WDR12: variants seen among roughly 807,000 people sequenced by gnomAD.
WDR12 encodes WD repeat domain 12.
In WDR12, 42 loss-of-function variants were observed where a neutral mutation model predicts 64.3. That is an observed-to-expected ratio of 0.65 (90% CI 0.51 to 0.84). The LOEUF is 0.84. Among genes scored for constraint, WDR12 ranks in the 40% least tolerant of loss-of-function variants. The probability of loss-of-function intolerance (pLI) is 0.00; values close to 1 mark genes in which losing one functional copy is unlikely to be tolerated. For missense variants in WDR12, 469 were observed against 494.6 expected (o/e 0.95, Z 0.49); for synonymous variants, 158 against 173.3 (o/e 0.91, Z 0.70).
rs528307910 is a variant in WDR12, at chr2:202,879,451, G to C, written c.*1409C>G. 3.3e-5 allele frequency: 5 copies of C among 149,262 alleles called. No individual in the cohort carries two copies. The South Asian group carries it at 1.1e-3, about 32-fold the overall frequency. The allele number at this position is 149,262 out of a possible 1,614,324, so 9.2% of individuals were successfully genotyped here. On this transcript the variant is annotated 3_prime_UTR_variant, in exon 13 of 13. Coordinates refer to ENST00000261015, the MANE Select transcript of WDR12 (RefSeq NM_018256.4). ...TTGTCTTTATTTTGAGATAGAGTCT[G>C]GCTCTGCTGCCCAGGCTGGAGCACA... is the stretch of plus-strand genomic sequence containing the variant.
chr2:202,895,648 G>A (rs970188310), intron 6 of WDR12, among the ~76,000 whole-genome samples: 2 of 149,160 alleles, frequency 1.3e-5, no homozygotes, highest in East Asian at 2.0e-4. Context: ...TCAGCCTCCC[G>A]AGTAGCTGGG....
chr2:202,891,900 G>A (rs140306156), intron 8 of WDR12, among the ~76,000 whole-genome samples: 59 of 152,240 alleles, frequency 3.9e-4, no homozygotes, highest in South Asian at 6.2e-4. Context: ...AGTGGTTGCC[G>A]GGAACTGGAG....
At chr2:202,910,064 G>A (rs1437977549) in intron 1 of WDR12, among the ~76,000 whole-genome samples, 4 of 152,032 alleles carry the variant, frequency 2.6e-5, no homozygotes, top group Non-Finnish European at 5.9e-5. Flanking sequence ...CCAGACTGTT[G>A]GGATTACAGA....
rs1031660249 is a variant in WDR12 at position 202,875,667 on chromosome 2, C to T, written c.*5193G>A. On this transcript the variant is annotated 3_prime_UTR_variant, in exon 13 of 13. Coordinates refer to ENST00000261015, the MANE Select transcript of WDR12 (RefSeq NM_018256.4). ...CCTCCCAAAATGTTGGGATTACAGG[C>T]GTTAGCCACGGCGCCCAGCCACATA... 2.0e-5 allele frequency: 3 copies of T among 152,190 alleles called. No homozygotes were observed. The highest frequency in any genetic ancestry group is 4.1e-4 in the South Asian group (2 of 4,828). 9.4% of individuals were successfully genotyped at this position (152,190 alleles called of 1,614,324 possible).
intron 8 of WDR12, among the ~76,000 whole-genome samples, chr2:202,887,881 C>T (rs1287937317): frequency 1.6e-5 from 2 of 128,536 alleles, no homozygotes; most frequent in South Asian, 4.8e-4. Flanking sequence ...GGCGACAGAG[C>T]GAGACTCCGT....
intron 6 of WDR12, among the ~76,000 whole-genome samples, chr2:202,895,166 C>A (rs190270025): frequency 5.0e-4 from 76 of 152,200 alleles, no homozygotes; most frequent in Middle Eastern, 3.4e-3. Context: ...ATCCTGTTAC[C>A]CTAACTGTCA....
At chr2:202,890,596 C>T (rs1203753301) in intron 8 of WDR12, among the ~76,000 whole-genome samples, 5 of 151,680 alleles carry the variant, frequency 3.3e-5, no homozygotes, top group East Asian at 1.9e-4. Flanking sequence ...GGTGAAACCC[C>T]GTCTCTACAA....
chr2:202,900,120 A>G (rs745840118), intron 3 of WDR12, among the ~76,000 whole-genome samples: 10 of 152,206 alleles, frequency 6.6e-5, no homozygotes, highest in Non-Finnish European at 1.2e-4. Flanking sequence ...ACCTAAGATC[A>G]GGAGTTCAAG....
chr2:202,878,432 C>A lies in WDR12; in HGVS notation c.*2428G>T, dbSNP rs1463205534. 2.6e-5 allele frequency: 4 copies of A among 152,238 alleles called. No homozygotes were observed. 9.4% of individuals were successfully genotyped at this position (152,238 alleles called of 1,614,324 possible). A position where few individuals can be genotyped will look rare whatever the true frequency, so the allele number is the denominator to read the frequency against. ...ACAATAAAATTTATACCAATCAGCA[C>A]AAAATGAGAAAAAGAAGGATTCTGT... On this transcript the variant is annotated 3_prime_UTR_variant, in exon 13 of 13. Coordinates refer to ENST00000261015, the MANE Select transcript of WDR12 (RefSeq NM_018256.4).
At position 202,899,577 on chromosome 2, in the gene WDR12, T is replaced by C. The variant is rs752291837; in HGVS notation, c.292A>G (p.Met98Val). The change falls in exon 4 of 13, where the codon ATG (methionine) becomes GTG (valine). Residue 98 changes from methionine (M) to valine (V), a missense_variant. Coordinates refer to ENST00000261015, the MANE Select transcript of WDR12 (RefSeq NM_018256.4). ...KYTAPQPEQC[M>V]FHDDWISSIK... is the part of the protein sequence containing the mutation. ...GAACTGATCCAGTCATCATGGAACA[T>C]GCATTGCTCTGGCTGGGGTGCAGTA... The C allele has an allele frequency of 9.3e-6, 15 of 1,614,060 alleles. No homozygotes were observed. The African/African-American group carries it at 1.6e-4, about 17-fold the overall frequency.
chr2:202,890,335 A>G (rs1260153217), intron 8 of WDR12, among the ~76,000 whole-genome samples: 2 of 152,210 alleles, frequency 1.3e-5, no homozygotes, highest in African/African-American at 4.8e-5. Context: ...AGGTAAAACT[A>G]ATCTAAGATG....
At chr2:202,911,051 A>T (rs774940699) in intron 1 of WDR12, among the ~76,000 whole-genome samples, 3 of 152,156 alleles carry the variant, frequency 2.0e-5, no homozygotes, top group Non-Finnish European at 4.4e-5. Flanking sequence ...GTGCTAACAG[A>T]CCTTGAGACC....
At chr2:202,897,950 T>C (rs1212744455) in intron 4 of WDR12, among the ~76,000 whole-genome samples, 2 of 139,880 alleles carry the variant, frequency 1.4e-5, no homozygotes, top group Admixed American at 7.4e-5. Context: ...TATATATACA[T>C]AGTATAAAAT....
intron 2 of WDR12, among the ~76,000 whole-genome samples, chr2:202,903,360 C>T (rs1688384579): frequency 6.6e-6 from 1 of 151,460 alleles, no homozygotes; most frequent in Non-Finnish European, 1.5e-5. Flanking sequence ...AAAGCCTTTC[C>T]TCTAACATCT....
In WDR12 at chr2:202,899,516, T is replaced by A. The variant is rs769901203; in HGVS notation, c.338+15A>T. ...ACAAAACAAAAAAAAGAGAAGGGCA[T>A]TAATCTGGCAATACCATTCCTCTGC... is the stretch of plus-strand genomic sequence containing the variant. On this transcript the variant is annotated intron_variant, in intron 4 of 12. Coordinates refer to ENST00000261015, the MANE Select transcript of WDR12 (RefSeq NM_018256.4). 6.2e-7 allele frequency: 1 copy of A among 1,605,678 alleles called. No homozygotes were observed. Among genetic ancestry groups the A allele is most frequent in the Non-Finnish European group, 8.5e-7 (1 of 1,175,562 alleles).
At chr2:202,903,500 G>GAAGGAAGGAAGGAAGGAAGGAAGT (rs1348704669) in intron 2 of WDR12, among the ~76,000 whole-genome samples, 1 of 115,120 alleles carries the variant, frequency 8.7e-6, no homozygotes, top group South Asian at 3.2e-4. Context: ...AGGAAGGAAG[G>GAAGGAAGGAAGGAAGGAAGGAAGT]AAGTGAGGGA....
chr2:202,911,565 G>T lies in WDR12; in HGVS notation c.-89C>A. The T allele has an allele frequency of 7.7e-7, 1 of 1,292,486 alleles. No homozygotes were observed. Among genetic ancestry groups the T allele is most frequent in the Non-Finnish European group, 1.1e-6 (1 of 888,656 alleles). 80.1% of individuals were successfully genotyped at this position (1,292,486 alleles called of 1,614,324 possible). ...TCCTGCCTTTTAAGACTACAAAGAG[G>T]CAGCTCAAAATTAGACTGCACAGGT... On this transcript the variant is annotated 5_prime_UTR_variant, in exon 1 of 13. Transcript: ENST00000261015.
chr2:202,899,754 T>C, intron 3 of WDR12, 117 bp from the exon 4 acceptor site: 1 of 838,242 alleles, frequency 1.2e-6, no homozygotes, highest in Non-Finnish European at 1.8e-6. Context: ...GTCCCCTTTA[T>C]AACTCAGCAA....
At chr2:202,895,593 G>A (rs1388065925) in intron 6 of WDR12, among the ~76,000 whole-genome samples, 3 of 144,816 alleles carry the variant, frequency 2.1e-5, no homozygotes, top group African/African-American at 7.7e-5. Context: ...GTGCAATCTC[G>A]GTCACTGCAA....
Sources: allele counts gnomAD v4.1 joint callset (sites outside exome capture counted in the v4.1 genomes callset), GRCh38; gene constraint gnomAD v4.1.1; transcripts MANE v1.5; gene names NCBI Gene and HGNC (gene_info 2026-07-23, HGNC 2026-07-21).